PRR33: variants seen among roughly 807,000 people sequenced by gnomAD.
The protein encoded by PRR33 is proline rich 33, also known as proline-rich protein 33.
Under a neutral mutation model 0.5 loss-of-function variants are expected in PRR33, and 1 was observed. That is an observed-to-expected ratio of 2.18 (90% confidence interval 0.77 to 10.34). PRR33 has a LOEUF of 10.34. Ranked by LOEUF, PRR33 falls within the 30% of genes most tolerant of loss-of-function variation. The pLI, the probability that PRR33 is intolerant of heterozygous loss-of-function variation, is 0.13. For missense variants in PRR33, 552 were observed against 251.8 expected, an observed-to-expected ratio of 2.19 and a Z score of -8.07; for synonymous variants, 226 against 110.0, an observed-to-expected ratio of 2.06 and a Z score of -6.60.
chr11:1,903,312 T>G, the PRR33 span: 1 of 122,476 alleles, frequency 8.2e-6, no homozygotes, highest in South Asian at 3.0e-4. Flanking sequence ...AGTGGGGAGC[T>G]GTGGAGCGGG....
the PRR33 span, among the ~76,000 whole-genome samples, chr11:1,909,158 A>C: frequency 1.3e-5 from 2 of 151,854 alleles, no homozygotes; most frequent in Admixed American, 1.3e-4. Context: ...GCTCGAGTCC[A>C]GGAGTTTGAG....
chr11:1,889,814 T>A (rs943846003), exon 1 of PRR33: 4 of 637,516 alleles, frequency 6.3e-6, no homozygotes, highest in Non-Finnish European at 1.1e-5. Flanking sequence ...CTCTGGGCAC[T>A]GAGGCCTGGA....
chr11:1,891,387 C>A (rs1848995195), exon 1 of PRR33: 1 of 152,018 alleles, frequency 6.6e-6, no homozygotes. Flanking sequence ...AAGAACAGAG[C>A]TGCTGGAGGG....
the PRR33 span, among the ~76,000 whole-genome samples, chr11:1,913,132 C>T: frequency 1.3e-5 from 2 of 149,826 alleles, no homozygotes; most frequent in Non-Finnish European, 3.0e-5. Flanking sequence ...TTTTGGTTTT[C>T]CTCCTTTCTT....
At chr11:1,889,013 G>C in exon 1 of PRR33, 1 of 556,330 alleles carries the variant, frequency 1.8e-6, no homozygotes, top group Non-Finnish European at 3.2e-6. Context: ...GCCCTTCCCA[G>C]GCTGCCCTGC....
the PRR33 span, among the ~76,000 whole-genome samples, chr11:1,912,606 ATTAT>A: frequency 6.6e-6 from 1 of 151,998 alleles, no homozygotes; most frequent in Non-Finnish European, 1.5e-5. Context: ...CCATTTCTAA[ATTAT>A]TTATTTATTT....
At chr11:1,897,869 G>A in the PRR33 span, among the ~76,000 whole-genome samples, 5 of 152,184 alleles carry the variant, frequency 3.3e-5, no homozygotes, top group African/African-American at 1.2e-4. This position sits in a 1 kb window ranked among gnomAD's most constrained non-coding sequence, Gnocchi z 4.0. Flanking sequence ...CCAGGGAGAC[G>A]AGTATTATGA....
At chr11:1,915,185 GGAT>G in the PRR33 span, among the ~76,000 whole-genome samples, 40 of 136,424 alleles carry the variant, frequency 2.9e-4, no homozygotes, top group East Asian at 7.1e-3. Flanking sequence ...CACACAACTG[GGAT>G]GATGTTTCTC....
upstream of PRR33, among the ~76,000 whole-genome samples, chr11:1,894,609 C>A (rs968342108): frequency 6.6e-6 from 1 of 152,140 alleles, no homozygotes; most frequent in African/African-American, 2.4e-5. Context: ...ACTTCTGTCA[C>A]GTAGCATAAC....
At chr11:1,912,158 G>A in the PRR33 span, among the ~76,000 whole-genome samples, 1 of 151,900 alleles carries the variant, frequency 6.6e-6, no homozygotes, top group Non-Finnish European at 1.5e-5. Context: ...GGGTGACAGA[G>A]CAAGACCTCA....
At chr11:1,913,794 G>A in the PRR33 span, among the ~76,000 whole-genome samples, 2 of 152,234 alleles carry the variant, frequency 1.3e-5, no homozygotes, top group Admixed American at 6.5e-5. Flanking sequence ...AAGTCGTTTC[G>A]TTCCAGTCCT....
the PRR33 span, among the ~76,000 whole-genome samples, chr11:1,909,076 C>T: frequency 1.3e-5 from 2 of 152,216 alleles, no homozygotes; most frequent in African/African-American, 4.8e-5. Context: ...TCTACCCAGC[C>T]CCCACTTAGC....
the PRR33 span, among the ~76,000 whole-genome samples, chr11:1,911,070 A>C: frequency 6.6e-6 from 1 of 152,184 alleles, no homozygotes. Context: ...TTCACTTATT[A>C]AAAACTGTAG....
chr11:1,896,148 T>C (rs563741130), upstream of PRR33, among the ~76,000 whole-genome samples: 1 of 152,234 alleles, frequency 6.6e-6, no homozygotes, highest in Non-Finnish European at 1.5e-5. Context: ...AGCTCTTCAA[T>C]TGTGTTCTTT....
the PRR33 span, among the ~76,000 whole-genome samples, chr11:1,917,511 C>T: frequency 6.6e-6 from 1 of 152,224 alleles, no homozygotes; most frequent in African/African-American, 2.4e-5. Flanking sequence ...AAATGCGTCC[C>T]CAACCCAGGC....
At chr11:1,915,198 CTGTG>C in the PRR33 span, among the ~76,000 whole-genome samples, 336 of 120,662 alleles carry the variant, frequency 2.8e-3, no homozygotes, top group African/African-American at 9.5e-3. Context: ...TGATGTTTCT[CTGTG>C]TGTGTGTGTG....
the PRR33 span, among the ~76,000 whole-genome samples, chr11:1,903,812 A>G: frequency 1.3e-5 from 2 of 152,190 alleles, no homozygotes; most frequent in Non-Finnish European, 2.9e-5. Flanking sequence ...TTAGTGTGCA[A>G]GAAAAAGAAA....
chr11:1,913,542 G>A, the PRR33 span, among the ~76,000 whole-genome samples: 8 of 152,106 alleles, frequency 5.3e-5, no homozygotes, highest in African/African-American at 1.9e-4. Context: ...TTCTCCTTCA[G>A]TTCCAGCCTC....
chr11:1,890,621 C>T lies in PRR33; in HGVS notation c.-37G>A. On this transcript the variant is annotated 5_prime_UTR_variant, in exon 1 of 1. It introduces an in-frame stop codon into an upstream open reading frame of the 5' UTR. Coordinates refer to ENST00000640310, the Ensembl canonical transcript of PRR33. The stretch of plus-strand genomic sequence containing the variant: ...AGGGTGGGAGGGACAGTGGTCAGGC[C>T]AGCCCTCCTCCCTCCTGAGGTGGGA... 1.5e-6 allele frequency: 1 copy of T among 686,980 alleles called. No individual in the cohort carries two copies. The highest frequency in any genetic ancestry group is 2.7e-6 in the Non-Finnish European group (1 of 374,474). 42.6% of individuals were successfully genotyped at this position (686,980 alleles called of 1,614,324 possible).
Sources: gnomAD v4.1 joint callset for allele counts (sites outside exome capture counted in the v4.1 genomes callset) on GRCh38, gnomAD v4.1.1 for gene constraint, Gnocchi (gnomAD v3.1) non-coding constraint, MANE v1.5 for transcripts, NCBI Gene and HGNC (gene_info 2026-07-23, HGNC 2026-07-21) for gene names.